The following DSC3 variants were observed in gnomAD, a reference collection of about 807,000 sequenced individuals.
DSC3 encodes desmocollin-3.
Under a neutral mutation model 89.5 loss-of-function variants are expected in DSC3, and 97 were observed. The ratio of observed to expected loss-of-function variants is 1.08; its 90% CI spans 0.92 to 1.28. The LOEUF is 1.28. Ranked by LOEUF, DSC3 falls within the 50% of genes most tolerant of loss-of-function variation. The pLI is 0.00. For missense variants in DSC3, 1,199 were observed against 1,085.3 expected (o/e 1.10, Z -1.47); for synonymous variants, 436 against 384.1 (o/e 1.14, Z -1.58).
At chr18:31,011,647 T>C (rs555552091) in intron 9 of DSC3, among the ~76,000 whole-genome samples, 1 of 152,188 alleles carries the variant, frequency 6.6e-6, no homozygotes, top group South Asian at 2.1e-4. Context: ...TTGAACACCA[T>C]GATTATACAG....
chr18:31,032,071 G>GGAGGAACATC (rs1985807696), intron 2 of DSC3, 121 bp downstream of exon 2: 1 of 721,560 alleles, frequency 1.4e-6, no homozygotes, highest in African/African-American at 1.8e-5. Context: ...TTTACTCCCT[G>GGAGGAACATC]GAGGAACATC....
intron 11 of DSC3, 54 bp downstream of exon 11, chr18:31,007,962 A>G: frequency 6.8e-7 from 1 of 1,465,994 alleles, no homozygotes; most frequent in Non-Finnish European, 9.5e-7. Context: ...AAGAATAATT[A>G]CATTTTATTC....
chr18:30,991,194 ACT>A lies in DSC3; in HGVS notation c.*2979_*2980del. ...AACTTCTTTTAATAGCAATACTAAAACTCTGTTTAAAACATTGCAAAACAAAC... is the reference window on the plus strand; with the variant it reads ...AACTTCTTTTAATAGCAATACTAAAACTGTTTAAAACATTGCAAAACAAAC... On this transcript the variant is annotated 3_prime_UTR_variant, in exon 16 of 16. Transcript: ENST00000360428. 1 of 152,722 alleles carries A rather than the reference ACT, an allele frequency of 6.5e-6. No individual in the cohort carries two copies. Among genetic ancestry groups the A allele is most frequent in the East Asian group, 1.9e-4 (1 of 5,176 alleles). The allele number at this position is 152,722 out of a possible 1,614,324, so 9.5% of individuals were successfully genotyped here.
chr18:31,036,615 A>T (rs1472581797), intron 1 of DSC3, among the ~76,000 whole-genome samples: 2 of 152,010 alleles, frequency 1.3e-5, no homozygotes, highest in African/African-American at 2.4e-5. Flanking sequence ...CTCTCAAAAC[A>T]ATTTTATGAT....
rs1270254095 is a variant in DSC3, at chr18:31,018,943, A to G, written c.943-143T>C. ...TTACCTGATTTCCATATTTGCACAG[A>G]CTCTAGGAATTTGGTAGACAAGGAT... On this transcript the variant is annotated intron_variant, in intron 7 of 15. Transcript: ENST00000360428. 5 of 810,364 alleles carry G rather than the reference A, an allele frequency of 6.2e-6. No individual in the cohort carries two copies. In the East Asian group the frequency reaches 1.3e-4, roughly 21 times the overall value. The allele number at this position is 810,364 out of a possible 1,614,324, so 50.2% of individuals were successfully genotyped here. A position where few individuals can be genotyped will look rare whatever the true frequency, so the allele number is the denominator to read the frequency against.
intron 3 of DSC3, 128 bp from the exon 4 acceptor site, chr18:31,029,756 G>T: frequency 8.6e-7 from 1 of 1,166,974 alleles, no homozygotes; most frequent in Non-Finnish European, 1.3e-6. Flanking sequence ...CCATGCTGGA[G>T]CTAAACCAGT....
At chr18:31,005,478 G>T (rs183237731) in intron 12 of DSC3, among the ~76,000 whole-genome samples, 1 of 152,128 alleles carries the variant, frequency 6.6e-6, no homozygotes, top group Non-Finnish European at 1.5e-5. Flanking sequence ...CTGTACCAAG[G>T]TTAGTCCCCT....
At chr18:31,041,885 C>G (rs941814727) in intron 1 of DSC3, among the ~76,000 whole-genome samples, 1 of 152,116 alleles carries the variant, frequency 6.6e-6, no homozygotes, top group African/African-American at 2.4e-5. Context: ...CACTGTCACC[C>G]TCTACCCGCC....
At chr18:31,035,059 T>C (rs1985926941) in intron 1 of DSC3, among the ~76,000 whole-genome samples, 1 of 152,174 alleles carries the variant, frequency 6.6e-6, no homozygotes, top group Non-Finnish European at 1.5e-5. Flanking sequence ...GTCAAATTTA[T>C]AAATTCACAG....
chr18:31,015,569 T>C (rs992095676), intron 9 of DSC3, among the ~76,000 whole-genome samples: 14 of 152,200 alleles, frequency 9.2e-5, no homozygotes, highest in African/African-American at 3.4e-4. Context: ...TTCCTAGTGG[T>C]ATTTAAATTT....
rs769357519 is a variant in DSC3 at position 30,997,000 on chromosome 18, C to T, written c.2284G>A (p.Gly762Ser). ...CCTGATCCCATAGTACCACAAAAAC[C>T]TTGGCTAGAGTTGTTGGTAGTTTGG... Reference protein sequence around the residue: ...MTQTTNNSSQGFCGTMGSGMK... With the variant: ...MTQTTNNSSQSFCGTMGSGMK... The change falls in exon 15 of 16, where the codon GGT (glycine) becomes AGT (serine). Residue 762 changes from glycine (G) to serine (S), a missense_variant. Physicochemically the swap from Gly to Ser is moderately conservative, Grantham distance 56. Coordinates refer to ENST00000360428, the MANE Select transcript of DSC3 (RefSeq NM_001941.5). 3.7e-6 allele frequency: 6 copies of T among 1,614,124 alleles called. No homozygotes were observed. The highest frequency in any genetic ancestry group is 4.2e-6 in the Non-Finnish European group (5 of 1,180,018).
chr18:30,995,479 C>A (rs1299998927), intron 15 of DSC3, among the ~76,000 whole-genome samples: 2 of 152,202 alleles, frequency 1.3e-5, no homozygotes, highest in Admixed American at 6.5e-5. Flanking sequence ...GTTTGTCCTG[C>A]AATGGCACTG....
intron 14 of DSC3, among the ~76,000 whole-genome samples, chr18:30,999,519 A>C (rs1984584414): frequency 6.6e-6 from 1 of 152,124 alleles, no homozygotes; most frequent in South Asian, 2.1e-4. Context: ...ACACAAGTTC[A>C]AAGATCATAT....
At chr18:31,041,190 T>C (rs1986118792) in intron 1 of DSC3, among the ~76,000 whole-genome samples, 1 of 152,142 alleles carries the variant, frequency 6.6e-6, no homozygotes, top group Non-Finnish European at 1.5e-5. Context: ...GCAGCACCCG[T>C]AGTTTCGTTC....
At chr18:31,010,435 C>T (rs1985020195) in intron 9 of DSC3, among the ~76,000 whole-genome samples, 1 of 152,166 alleles carries the variant, frequency 6.6e-6, no homozygotes, top group Non-Finnish European at 1.5e-5. Flanking sequence ...GAAACACTCG[C>T]TGAAGCCTTG....
Position 31,008,276 on chromosome 18 carries a change from C to G in DSC3, c.1513G>C (p.Gly505Arg), listed in dbSNP as rs1408669903. Residue 505 changes from glycine (G) to arginine (R), a missense_variant, in exon 10 of 16, where the codon GGT (glycine) becomes CGT (arginine). Physicochemically the swap from Gly to Arg is moderately radical, Grantham distance 125 (BLOSUM62 -2). Coordinates refer to ENST00000360428, the MANE Select transcript of DSC3 (RefSeq NM_001941.5). Reference protein sequence around the residue: ...AYDPENRNGNGLRYKKLHDPK... With the variant: ...AYDPENRNGNRLRYKKLHDPK... The stretch of plus-strand genomic sequence containing the variant: ...TTATAGATTTATTTTTACCTTAAAC[C>G]ATTGCCATTTCTATTTTCGGGGTCA... 7 of 1,613,848 alleles carry G rather than the reference C, an allele frequency of 4.3e-6. No homozygotes were observed. The highest frequency in any genetic ancestry group is 5.9e-6 in the Non-Finnish European group (7 of 1,179,914).
At chr18:31,005,417 G>T (rs1984804612) in intron 12 of DSC3, among the ~76,000 whole-genome samples, 1 of 152,100 alleles carries the variant, frequency 6.6e-6, no homozygotes, top group Non-Finnish European at 1.5e-5. Flanking sequence ...GTAAATCTGG[G>T]AATGGCATTG....
At chr18:31,007,152 T>TTTAGTG (rs1567952154) in intron 11 of DSC3, 21 bp from the exon 12 acceptor site, 3 of 1,554,770 alleles carry the variant, frequency 1.9e-6, no homozygotes, top group Non-Finnish European at 2.7e-6. Context: ...AGGAATAAGG[T>TTTAGTG]TTAGTGTTAT....
intron 1 of DSC3, among the ~76,000 whole-genome samples, chr18:31,041,941 C>T (rs932947781): frequency 6.6e-5 from 10 of 152,122 alleles, no homozygotes; most frequent in African/African-American, 2.2e-4. Context: ...ACCCCAACCC[C>T]CATTCTGGCC....
Sources: gnomAD v4.1 joint callset for allele counts (sites outside exome capture counted in the v4.1 genomes callset) on GRCh38, gnomAD v4.1.1 for gene constraint, MANE v1.5 for transcripts, NCBI Gene and HGNC (gene_info 2026-07-23, HGNC 2026-07-21) for gene names.